CNTNAP2: variants seen among roughly 807,000 people sequenced by gnomAD.
The protein encoded by CNTNAP2 is contactin-associated protein-like 2.
In CNTNAP2, 98 loss-of-function variants were observed where a neutral mutation model predicts 155.2. The ratio of observed to expected loss-of-function variants is 0.63; its 90% CI spans 0.54 to 0.75. The LOEUF (loss-of-function observed/expected upper bound fraction) is 0.75. CNTNAP2 is among the 30% of genes least tolerant of loss of function. CNTNAP2 has a pLI of 0.00. For synonymous variants in CNTNAP2, 651 were observed against 631.2 expected (o/e 1.03, Z -0.47); for missense variants, 1,727 against 1,688.1 (o/e 1.02, Z -0.40).
intron 13 of CNTNAP2, among the ~76,000 whole-genome samples, chr7:147,775,258 TAA>T (rs1797545839): frequency 3.5e-5 from 4 of 112,914 alleles, no homozygotes; most frequent in South Asian, 2.4e-4. Context: ...TATATATTTA[TAA>T]ATATATTTAT....
chr7:146,252,418 G>A (rs990578542), intron 1 of CNTNAP2, among the ~76,000 whole-genome samples: 6 of 152,134 alleles, frequency 3.9e-5, no homozygotes, highest in South Asian at 2.1e-4. Flanking sequence ...CTGGAAAGTC[G>A]CTCCTCCTTT....
intron 1 of CNTNAP2, among the ~76,000 whole-genome samples, chr7:146,444,661 CT>C (rs772101193): frequency 0.016 from 2,284 of 141,892 alleles, 46 homozygotes; most frequent in African/African-American, 0.047. Flanking sequence ...TCCTCTCTCT[CT>C]TTTTTTTTTT....
chr7:147,882,695 G>A (rs941092341), intron 13 of CNTNAP2, among the ~76,000 whole-genome samples: 13 of 152,110 alleles, frequency 8.5e-5, no homozygotes, highest in Non-Finnish European at 1.6e-4. Context: ...GTTATGCCAT[G>A]TACCTCTATA....
intron 1 of CNTNAP2, among the ~76,000 whole-genome samples, chr7:146,632,934 T>C (rs1004717527): frequency 8.0e-6 from 1 of 125,148 alleles, no homozygotes; most frequent in African/African-American, 2.8e-5. Flanking sequence ...CAAAAGAAAA[T>C]TGGTAAGCAA....
intron 10 of CNTNAP2, among the ~76,000 whole-genome samples, chr7:147,458,582 G>A (rs930292148): frequency 1.3e-5 from 2 of 152,166 alleles, no homozygotes; most frequent in Non-Finnish European, 2.9e-5. Context: ...TATGAGCTGA[G>A]GGATGAGAAG....
At chr7:147,352,340 C>T (rs984958377) in intron 9 of CNTNAP2, among the ~76,000 whole-genome samples, 1 of 151,854 alleles carries the variant, frequency 6.6e-6, no homozygotes, top group Non-Finnish European at 1.5e-5. Context: ...GAGGATCTTG[C>T]TTCCCTCAGG....
At chr7:147,681,990 T>C (rs1795953468) in intron 13 of CNTNAP2, among the ~76,000 whole-genome samples, 1 of 151,794 alleles carries the variant, frequency 6.6e-6, no homozygotes, top group Non-Finnish European at 1.5e-5. Flanking sequence ...AAAAAGGAGA[T>C]AGGAAATGTT....
chr7:147,115,304 G>A (rs1331143928), intron 5 of CNTNAP2, among the ~76,000 whole-genome samples: 1 of 152,118 alleles, frequency 6.6e-6, no homozygotes, highest in African/African-American at 2.4e-5. Context: ...TCTTGGGGAT[G>A]ATCATCTTGT....
At chr7:148,057,494 C>A (rs563051034) in intron 15 of CNTNAP2, among the ~76,000 whole-genome samples, 2 of 152,134 alleles carry the variant, frequency 1.3e-5, no homozygotes, top group Non-Finnish European at 2.9e-5. Context: ...AATACACACC[C>A]CTTTTAACCT....
chr7:147,702,289 A>G (rs1796247040), intron 13 of CNTNAP2, among the ~76,000 whole-genome samples: 1 of 151,976 alleles, frequency 6.6e-6, no homozygotes, highest in Non-Finnish European at 1.5e-5. Context: ...TTCTTATAAA[A>G]AGTGTTTATA....
intron 9 of CNTNAP2, among the ~76,000 whole-genome samples, chr7:147,362,363 G>A (rs994148139): frequency 6.6e-6 from 1 of 152,116 alleles, no homozygotes; most frequent in Admixed American, 6.6e-5. Flanking sequence ...TCAGACTCCT[G>A]AGCCCAAGAG....
intron 13 of CNTNAP2, among the ~76,000 whole-genome samples, chr7:147,830,920 T>G (rs851713): frequency 0.57 from 87,265 of 152,120 alleles, 25,284 homozygotes; most frequent in East Asian, 0.71. Flanking sequence ...TCTCAAAGAA[T>G]TAAATTTTGT....
At chr7:147,518,945 C>T (rs543012995) in intron 11 of CNTNAP2, among the ~76,000 whole-genome samples, 34 of 91,572 alleles carry the variant, frequency 3.7e-4, no homozygotes, top group Admixed American at 8.2e-4. Context: ...GCAGGAGAAT[C>T]GCTTGAACCC....
chr7:146,599,132 T>G (rs2129151223), intron 1 of CNTNAP2, among the ~76,000 whole-genome samples: 1 of 152,258 alleles, frequency 6.6e-6, no homozygotes, highest in East Asian at 1.9e-4. Context: ...ATCTAATTAC[T>G]TTTGCACTAC....
intron 12 of CNTNAP2, among the ~76,000 whole-genome samples, chr7:147,563,193 A>T (rs1437504204): frequency 6.6e-6 from 1 of 152,214 alleles, no homozygotes; most frequent in Non-Finnish European, 1.5e-5. Flanking sequence ...AAATGAATTA[A>T]TGAGAATACC....
At chr7:147,879,580 AG>A (rs1799485348) in intron 13 of CNTNAP2, among the ~76,000 whole-genome samples, 2 of 152,152 alleles carry the variant, frequency 1.3e-5, no homozygotes, top group South Asian at 4.1e-4. Context: ...GTAGGGGCTG[AG>A]GGAAGTGTCA....
intron 3 of CNTNAP2, among the ~76,000 whole-genome samples, chr7:146,944,931 A>T (rs919855013): frequency 6.6e-6 from 1 of 151,702 alleles, no homozygotes; most frequent in Non-Finnish European, 1.5e-5. Context: ...ATAGCAATTT[A>T]ATGGTAGTTG....
chr7:148,351,527 G>A lies in CNTNAP2; in HGVS notation c.3476-32122G>A, dbSNP rs74552653. The stretch of plus-strand genomic sequence containing the variant: ...TGGGAGGCCGAGGTGGGCAGATCAC[G>A]AGGTCAGGAGTTCAAGACCAGCCTG... On this transcript the variant is annotated intron_variant, in intron 21 of 23. Coordinates refer to ENST00000361727, the MANE Select transcript of CNTNAP2 (RefSeq NM_014141.6). 5.1e-3 allele frequency among the ~76,000 whole-genome samples: 780 copies of A among 151,870 alleles called. 7 individuals carry two copies. Among genetic ancestry groups the A allele is most frequent in the African/African-American group, 0.017 (712 of 41,434 alleles).
intron 3 of CNTNAP2, among the ~76,000 whole-genome samples, chr7:146,989,156 G>A (rs576654023): frequency 1.2e-4 from 18 of 152,256 alleles, no homozygotes; most frequent in African/African-American, 2.4e-4. Flanking sequence ...GAGGTTTAGC[G>A]TGTAGGAGCA....
Sources: allele counts gnomAD v4.1 joint callset (sites outside exome capture counted in the v4.1 genomes callset), GRCh38; gene constraint gnomAD v4.1.1; transcripts MANE v1.5; gene names NCBI Gene and HGNC (gene_info 2026-07-23, HGNC 2026-07-21).